CASZ1: variants seen among roughly 807,000 people sequenced by gnomAD.
CASZ1 encodes castor zinc finger 1, also known as zinc finger protein castor homolog 1.
In CASZ1, 28 loss-of-function variants were observed where a neutral mutation model predicts 135.2. The ratio of observed to expected loss-of-function variants is 0.21; its 90% CI spans 0.15 to 0.28. CASZ1 has a LOEUF of 0.28. Ranked by LOEUF, CASZ1 falls within the 10% of genes least tolerant of loss-of-function variation. The pLI, the probability that CASZ1 is intolerant of heterozygous loss-of-function variation, is 1.00. For missense variants in CASZ1, 2,161 were observed against 2,453.3 expected (o/e 0.88, Z 2.52); for synonymous variants, 1,068 against 1,073.4 (o/e 0.99, Z 0.10).
intron 2 of CASZ1, among the ~76,000 whole-genome samples, chr1:10,744,347 C>T (rs1256004259): frequency 6.6e-6 from 1 of 151,790 alleles, no homozygotes; most frequent in African/African-American, 2.4e-5. Flanking sequence ...AGAGACACGG[C>T]ACCACGAGCA....
chr1:10,644,631 C>T (rs11587145), intron 18 of CASZ1, among the ~76,000 whole-genome samples: 20,574 of 152,248 alleles, frequency 0.14, 1,513 homozygotes, highest in Middle Eastern at 0.23. Context: ...AACAGAACCA[C>T]GCCCAGGCCC....
At chr1:10,775,850 C>T (rs1485165606) in intron 1 of CASZ1, among the ~76,000 whole-genome samples, 1 of 152,168 alleles carries the variant, frequency 6.6e-6, no homozygotes. Context: ...TGCCCTCCTA[C>T]ACCTAGACTC....
chr1:10,789,983 C>T lies in CASZ1; in HGVS notation c.-234+6581G>A, dbSNP rs79058729. ...TTAACTTGGTGAACTCAAGGGGGCCCGAGGTGGGGGTGCCCCCCTCCCCCA... is the reference window on the plus strand; with the variant it reads ...TTAACTTGGTGAACTCAAGGGGGCCTGAGGTGGGGGTGCCCCCCTCCCCCA... On this transcript the variant is annotated intron_variant, in intron 1 of 20. Coordinates refer to ENST00000377022, the MANE Select transcript of CASZ1 (RefSeq NM_001079843.3). 7.3e-4 allele frequency among the ~76,000 whole-genome samples: 111 copies of T among 152,172 alleles called. No homozygotes were observed. The East Asian group carries it at 0.014, about 19-fold the overall frequency.
rs758095799 is a variant in CASZ1, at chr1:10,651,006, G to A, written c.2751C>T (p.Thr917=). The A allele has an allele frequency of 7.0e-6, 11 of 1,570,466 alleles. No homozygotes were observed. Among genetic ancestry groups the A allele is most frequent in the Admixed American group, 2.2e-5 (1 of 45,678 alleles). The stretch of plus-strand genomic sequence containing the variant: ...AGGCTTCGTGGGGGCCTGGGGCGCC[G>A]GTGCTCTCACCGGGTTCCGGCTTCA... ...AQVKPEPGES[T]GAPGPHEASQ... Residue 917 remains threonine, a synonymous_variant, in exon 12 of 21, where the codon ACC becomes ACT. Transcript: ENST00000377022.
At chr1:10,673,445 G>T (rs1176619799) in intron 4 of CASZ1, among the ~76,000 whole-genome samples, 2 of 151,998 alleles carry the variant, frequency 1.3e-5, no homozygotes, top group African/African-American at 4.8e-5. Context: ...GGTTGTGTGT[G>T]TGCACACACG....
chr1:10,647,784 C>T lies in CASZ1; in HGVS notation c.3497+17G>A. 4 of 1,612,924 alleles carry T rather than the reference C, an allele frequency of 2.5e-6. No homozygotes were observed. The highest frequency in any genetic ancestry group is 3.3e-4 in the Middle Eastern group (2 of 6,018). On this transcript the variant is annotated intron_variant, in intron 16 of 20. Transcript: ENST00000377022. This position sits in a 1 kb window ranked among gnomAD's most constrained non-coding sequence, Gnocchi z 4.9. ...CGCGAGGGGAACGCGGGACTCCCGG[C>T]TCATCGAGGGACTCACTTCTCCTGG...
chr1:10,659,967 T>C lies in CASZ1; in HGVS notation c.1075A>G (p.Met359Val). 1 of 1,613,358 alleles carries C rather than the reference T, an allele frequency of 6.2e-7. No homozygotes were observed. The highest frequency in any genetic ancestry group is 8.5e-7 in the Non-Finnish European group (1 of 1,179,942). ...GTCTTGAAGGCGATGGCCCCGCCCA[T>C]GTCGGGGCTGCCCTCCCCGGGTTTG... is the stretch of plus-strand genomic sequence containing the variant. Reference protein sequence around the residue: ...LFKPGEGSPDMGGAIAFKTGK... With the variant: ...LFKPGEGSPDVGGAIAFKTGK... Residue 359 changes from methionine to valine, a missense_variant, in exon 6 of 21, where the codon ATG becomes GTG. Physicochemically the swap from Met to Val is conservative, Grantham distance 21 (BLOSUM62 1). Transcript: ENST00000377022.
intron 1 of CASZ1, among the ~76,000 whole-genome samples, chr1:10,778,605 A>T (rs776356429): frequency 9.2e-5 from 14 of 151,808 alleles, no homozygotes; most frequent in Non-Finnish European, 1.9e-4. Flanking sequence ...CCCATTCCCA[A>T]CTCCCCTCTC....
At chr1:10,732,851 A>AT (rs201889453) in intron 2 of CASZ1, among the ~76,000 whole-genome samples, 17 of 152,248 alleles carry the variant, frequency 1.1e-4, no homozygotes, top group Middle Eastern at 3.4e-3. Context: ...GTGCCTAAGA[A>AT]TTTAGAGCCG....
intron 2 of CASZ1, among the ~76,000 whole-genome samples, chr1:10,710,917 G>A (rs763134538): frequency 6.6e-5 from 10 of 152,254 alleles, no homozygotes; most frequent in Admixed American, 1.3e-4. Flanking sequence ...GATCACCTGA[G>A]GTCAGGAGTT....
At chr1:10,740,455 GA>G (rs984868008) in intron 2 of CASZ1, among the ~76,000 whole-genome samples, 1 of 152,198 alleles carries the variant, frequency 6.6e-6, no homozygotes, top group African/African-American at 2.4e-5. Flanking sequence ...AGATGGGAGA[GA>G]AATGAAGATA....
In CASZ1 at chr1:10,776,669, T is replaced by C. The variant is rs1640666426; in HGVS notation, c.-233-15812A>G. Among the ~76,000 whole-genome samples the C allele has an allele frequency of 6.6e-6, 1 of 152,134 alleles. No individual in the cohort carries two copies. Among genetic ancestry groups the C allele is most frequent in the Non-Finnish European group, 1.5e-5 (1 of 68,024 alleles). On this transcript the variant is annotated intron_variant, in intron 1 of 20. Transcript: ENST00000377022. The surrounding 1 kb of genome is among the most constrained non-coding windows in gnomAD (Gnocchi z 4.1). ...TGGGAGTCCTGGGGAAACTGGCATC[T>C]CTGGTTTGACAGGTTGTGGGAGAGG...
chr1:10,682,042 C>T (rs1212219776), intron 4 of CASZ1, among the ~76,000 whole-genome samples: 3 of 152,254 alleles, frequency 2.0e-5, no homozygotes, highest in Non-Finnish European at 4.4e-5. Flanking sequence ...CTCCCTCCAC[C>T]TCCTGTCCCT....
rs749897820 is a variant in CASZ1 at position 10,639,193 on chromosome 1, C to G, written c.5029G>C (p.Asp1677His). Residue 1677 changes from aspartate to histidine, a missense_variant, in exon 21 of 21, where the codon GAC (aspartate) becomes CAC (histidine). Coordinates refer to ENST00000377022, the MANE Select transcript of CASZ1 (RefSeq NM_001079843.3). This position sits in a 1 kb window ranked among gnomAD's most constrained non-coding sequence, Gnocchi z 4.0. Reference sequence around the variant, plus strand: ...GGCAGCTCCAGCTCCTCCTCCTCGTCCTCCTGCGAGGACTCCCCAGCTGCG... The same window carrying G: ...GGCAGCTCCAGCTCCTCCTCCTCGTGCTCCTGCGAGGACTCCCCAGCTGCG... ...AAAAGESSQE[D>H]EEEELELPEE... The G allele has an allele frequency of 2.0e-5, 20 of 979,672 alleles. No homozygotes were observed. Among genetic ancestry groups the G allele is most frequent in the Non-Finnish European group, 2.2e-5 (18 of 809,074 alleles). The allele number at this position is 979,672 out of a possible 1,614,324, so 60.7% of individuals were successfully genotyped here.
At chr1:10,703,559 C>A (rs965327929) in intron 3 of CASZ1, among the ~76,000 whole-genome samples, 5 of 152,096 alleles carry the variant, frequency 3.3e-5, no homozygotes, top group Middle Eastern at 3.2e-3. Flanking sequence ...ATGCTGCTTC[C>A]CAGGGCCCTG....
rs1042946264 is a variant in CASZ1, at chr1:10,699,423, CT to C, written c.-23-5512del. ...AAGGTGCTCTCAGAGTCAGTAGAGC[CT>C]GGGGATGTGGCATCGGTGGGGGCAT... On this transcript the variant is annotated intron_variant, in intron 3 of 20. Coordinates refer to ENST00000377022, the MANE Select transcript of CASZ1 (RefSeq NM_001079843.3). The surrounding 1 kb of genome is among the most constrained non-coding windows in gnomAD (Gnocchi z 4.6). 1.2e-4 allele frequency among the ~76,000 whole-genome samples: 19 copies of C among 152,162 alleles called. No individual in the cohort carries two copies. Among genetic ancestry groups the C allele is most frequent in the Non-Finnish European group, 2.6e-4 (18 of 68,030 alleles).
chr1:10,767,078 T>C lies in CASZ1; in HGVS notation c.-233-6221A>G, dbSNP rs205488. On this transcript the variant is annotated intron_variant, in intron 1 of 20. Transcript: ENST00000377022. The surrounding 1 kb of genome is among the most constrained non-coding windows in gnomAD (Gnocchi z 4.2). ...CTTCAGAAGGAAAACAGAAATCCTC[T>C]GCGCCCGTTGACTGCTGATGGAAGG... Among the ~76,000 whole-genome samples the C allele has an allele frequency of 0.76, 116,289 of 152,126 alleles. 45,501 individuals are homozygous for C. The highest frequency in any genetic ancestry group is 0.84 in the Non-Finnish European group (56,862 of 68,004).
rs1638861987 is a variant in CASZ1, at chr1:10,694,232, C to T, written c.-23-320G>A. ...GCGCCCCCGTCCCGCCGACCGCGCC[C>T]CGCGCCCGGGTCGCCGCCCGAGACC... On this transcript the variant is annotated intron_variant, in intron 3 of 20. Coordinates refer to ENST00000377022, the MANE Select transcript of CASZ1 (RefSeq NM_001079843.3). This position sits in a 1 kb window ranked among gnomAD's most constrained non-coding sequence, Gnocchi z 6.6. The T allele has an allele frequency of 1.4e-6, 1 of 716,328 alleles. No homozygotes were observed. Among genetic ancestry groups the T allele is most frequent in the Admixed American group, 6.4e-5 (1 of 15,726 alleles). 44.4% of individuals were successfully genotyped at this position (716,328 alleles called of 1,614,324 possible).
rs964766737 is a variant in CASZ1, at chr1:10,759,880, C to T, written c.-77+821G>A. ...TCTGCTTCCACCCCTAGACCTTGCCCGTGAACTTCGCAAACACCCAATCCC... is the reference window on the plus strand; with the variant it reads ...TCTGCTTCCACCCCTAGACCTTGCCTGTGAACTTCGCAAACACCCAATCCC... On this transcript the variant is annotated intron_variant, in intron 2 of 20. Coordinates refer to ENST00000377022, the MANE Select transcript of CASZ1 (RefSeq NM_001079843.3). This position sits in a 1 kb window ranked among gnomAD's most constrained non-coding sequence, Gnocchi z 4.2. Among the ~76,000 whole-genome samples the T allele has an allele frequency of 7.9e-5, 12 of 152,310 alleles. No individual in the cohort carries two copies. Among genetic ancestry groups the T allele is most frequent in the South Asian group, 2.1e-4 (1 of 4,828 alleles).
Sources: allele counts gnomAD v4.1 joint callset (sites outside exome capture counted in the v4.1 genomes callset), GRCh38; gene constraint gnomAD v4.1.1; non-coding constraint Gnocchi (gnomAD v3.1); transcripts MANE v1.5; gene names NCBI Gene and HGNC (gene_info 2026-07-23, HGNC 2026-07-21).